Variants in GRM8 observed in about 807,000 individuals in gnomAD.
GRM8 encodes the protein glutamate metabotropic receptor 8.
Under a neutral mutation model 87.2 loss-of-function variants are expected in GRM8, and 47 were observed. The ratio of observed to expected loss-of-function variants is 0.54; its 90% CI spans 0.43 to 0.69. The LOEUF is 0.69. Ranked by LOEUF, GRM8 falls within the 30% of genes least tolerant of loss-of-function variation. The probability of loss-of-function intolerance (pLI) is 0.00; values close to 1 mark genes in which losing one functional copy is unlikely to be tolerated. For synonymous variants in GRM8, 396 were observed against 404.5 expected, an observed-to-expected ratio of 0.98 and a Z score of 0.25; for missense variants, 1,019 against 1,139.2, an observed-to-expected ratio of 0.89 and a Z score of 1.52.
chr7:126,512,747 T>G (rs576687640), intron 9 of GRM8: 1 of 152,116 alleles, frequency 6.6e-6, no homozygotes, highest in East Asian at 1.9e-4. Context: ...ATGGAAAGAT[T>G]TGGGAATAGT....
At chr7:126,763,460 TATATATATATATACAC>T (rs1347147885) in intron 7 of GRM8, among the ~76,000 whole-genome samples, 1,188 of 64,030 alleles carry the variant, frequency 0.019, 25 homozygotes, top group African/African-American at 0.042. Flanking sequence ...TATATATATA[TATATATATATATACAC>T]ACACACACAC....
intron 2 of GRM8, among the ~76,000 whole-genome samples, chr7:127,214,091 A>G (rs933025624): frequency 2.6e-5 from 4 of 152,266 alleles, no homozygotes; most frequent in African/African-American, 9.6e-5. Flanking sequence ...TATACAAAAG[A>G]TTATATAGTA....
intron 9 of GRM8, among the ~76,000 whole-genome samples, chr7:126,462,518 T>C (rs1804004272): frequency 6.6e-6 from 1 of 151,638 alleles, no homozygotes; most frequent in Non-Finnish European, 1.5e-5. Flanking sequence ...TATAAAATTA[T>C]ATCTCAAATG....
chr7:126,529,321 T>C (rs1003103634), intron 9 of GRM8, among the ~76,000 whole-genome samples: 1 of 152,230 alleles, frequency 6.6e-6, no homozygotes, highest in Non-Finnish European at 1.5e-5. Context: ...AATAGGCATT[T>C]ATTGAGAATG....
rs545990925 is a variant in GRM8, at chr7:127,127,314, T to A, written c.511-20602A>T. Among the ~76,000 whole-genome samples, 3 of 152,130 alleles carry A rather than the reference T, an allele frequency of 2.0e-5. No individual in the cohort carries two copies. In the East Asian group the frequency reaches 5.8e-4, roughly 29 times the overall value. ...TACCCAAGAGATATAAAAACATATG[T>A]TCATACAAAGACTTGTACTCAAATG... On this transcript the variant is annotated intron_variant, in intron 2 of 10. Transcript: ENST00000339582.
chr7:126,553,566 G>T (rs1192065920), intron 8 of GRM8, among the ~76,000 whole-genome samples: 1 of 152,082 alleles, frequency 6.6e-6, no homozygotes, highest in Non-Finnish European at 1.5e-5. Context: ...TCTGCTTGGG[G>T]TGGATTATAA....
intron 9 of GRM8, among the ~76,000 whole-genome samples, chr7:126,494,542 G>A (rs1262775280): frequency 6.6e-6 from 1 of 151,924 alleles, no homozygotes; most frequent in Non-Finnish European, 1.5e-5. Context: ...CAGAGAAGAA[G>A]CATAGTAACT....
At chr7:127,030,415 G>A (rs1817250113) in intron 3 of GRM8, among the ~76,000 whole-genome samples, 1 of 152,100 alleles carries the variant, frequency 6.6e-6, no homozygotes, top group African/African-American at 2.4e-5. Context: ...GGGGCCAGTA[G>A]CACCTTCAAC....
chr7:126,500,310 G>C (rs923506427), intron 9 of GRM8, among the ~76,000 whole-genome samples: 1 of 151,874 alleles, frequency 6.6e-6, no homozygotes, highest in African/African-American at 2.4e-5. Flanking sequence ...CCATCTGCAG[G>C]TTTCTTCTTG....
At chr7:127,109,816 C>T (rs540669494) in intron 2 of GRM8, among the ~76,000 whole-genome samples, 4 of 152,124 alleles carry the variant, frequency 2.6e-5, no homozygotes, top group Non-Finnish European at 5.9e-5. Context: ...GCTTCTTCCC[C>T]ACCACCTCCT....
chr7:126,821,284 T>C (rs1586073073), intron 6 of GRM8, among the ~76,000 whole-genome samples: 1 of 152,308 alleles, frequency 6.6e-6, no homozygotes, highest in East Asian at 1.9e-4. Flanking sequence ...CACCCATCCT[T>C]CAAGCATTTA....
Position 126,439,062 on chromosome 7 carries a change from A to G in GRM8, c.*57T>C. ...TCCAGGAGTGAATTTTTGCGGTCTCATGTTCATCATTTAAGATCATATACC... is the reference window on the plus strand; with the variant it reads ...TCCAGGAGTGAATTTTTGCGGTCTCGTGTTCATCATTTAAGATCATATACC... On this transcript the variant is annotated 3_prime_UTR_variant, in exon 11 of 11. Transcript: ENST00000339582. 1 of 1,043,240 alleles carries G rather than the reference A, an allele frequency of 9.6e-7. No individual in the cohort carries two copies. Among genetic ancestry groups the G allele is most frequent in the Admixed American group, 1.7e-5 (1 of 59,078 alleles). 64.6% of individuals were successfully genotyped at this position (1,043,240 alleles called of 1,614,324 possible). A position where few individuals can be genotyped will look rare whatever the true frequency, so the allele number is the denominator to read the frequency against.
At chr7:126,998,018 A>C (rs1482581284) in intron 3 of GRM8, among the ~76,000 whole-genome samples, 6 of 152,064 alleles carry the variant, frequency 3.9e-5, no homozygotes, top group Non-Finnish European at 8.8e-5. Context: ...TGTTGATAGA[A>C]AAATCCTCAC....
At chr7:126,753,085 G>A (rs1946116) in intron 7 of GRM8, among the ~76,000 whole-genome samples, 2 of 151,802 alleles carry the variant, frequency 1.3e-5, no homozygotes, top group East Asian at 1.9e-4. Context: ...ATTGGCTATC[G>A]TCAGAGCAAT....
chr7:126,616,674 T>TA (rs1258873766), intron 7 of GRM8, among the ~76,000 whole-genome samples: 1 of 151,798 alleles, frequency 6.6e-6, no homozygotes, highest in East Asian at 1.9e-4. Flanking sequence ...ATAAACGCAA[T>TA]AAAAAATGAT....
chr7:126,688,119 C>A (rs1808378287), intron 7 of GRM8, among the ~76,000 whole-genome samples: 1 of 152,118 alleles, frequency 6.6e-6, no homozygotes, highest in African/African-American at 2.4e-5. Context: ...CCATAAAATT[C>A]TCATATCCAG....
chr7:126,932,022 T>C (rs1191527258), intron 3 of GRM8, among the ~76,000 whole-genome samples: 9 of 152,134 alleles, frequency 5.9e-5, no homozygotes, highest in African/African-American at 2.2e-4. Flanking sequence ...TAATTTATCC[T>C]GTAAATTTTA....
intron 3 of GRM8, among the ~76,000 whole-genome samples, chr7:126,934,100 C>T (rs768899698): frequency 6.6e-6 from 1 of 152,122 alleles, no homozygotes; most frequent in Non-Finnish European, 1.5e-5. Context: ...CTTAAGGAGT[C>T]AGATTTAGAG....
intron 1 of GRM8, among the ~76,000 whole-genome samples, chr7:127,248,058 G>C (rs1314696669): frequency 6.6e-6 from 1 of 151,860 alleles, no homozygotes; most frequent in Non-Finnish European, 1.5e-5. Context: ...CTAAATCCCA[G>C]GCATTTAAAA....
Sources: gnomAD v4.1 joint callset for allele counts (sites outside exome capture counted in the v4.1 genomes callset) on GRCh38, gnomAD v4.1.1 for gene constraint, MANE v1.5 for transcripts, NCBI Gene and HGNC (gene_info 2026-07-23, HGNC 2026-07-21) for gene names.